The following ZP2 variants were observed in gnomAD, a reference collection of about 807,000 sequenced individuals.
The protein encoded by ZP2 is zona pellucida glycoprotein 2.
A neutral mutation model predicts 84.0 loss-of-function variants in ZP2; 51 were observed. The ratio of observed to expected loss-of-function variants is 0.61; its 90% CI spans 0.49 to 0.77. The LOEUF (loss-of-function observed/expected upper bound fraction) is 0.77, where lower values mean the gene tolerates loss of function less well. Among genes scored for constraint, ZP2 ranks in the 30% least tolerant of loss-of-function variants. ZP2 has a pLI of 0.00. For synonymous variants in ZP2, 375 were observed against 330.9 expected (o/e 1.13, Z -1.45); for missense variants, 909 against 911.9 (o/e 1.00, Z 0.04).
At chr16:21,207,840 C>G (rs974340394) in intron 4 of ZP2, among the ~76,000 whole-genome samples, 34 of 151,602 alleles carry the variant, frequency 2.2e-4, no homozygotes, top group African/African-American at 8.2e-4. Context: ...TGGACAACAG[C>G]AAGACCCTGT....
Position 21,209,621 on chromosome 16 carries a change from AAT to A in ZP2, c.330+8_330+9del. On this transcript the variant is annotated splice_region_variant and intron_variant, in intron 4 of 18. Transcript: ENST00000574091. The stretch of plus-strand genomic sequence containing the variant: ...TACTTCCCCAAGAACTGCTCAAAGC[AAT>A]GACTTACCACTCTCCTGGTACAGTT... The A allele has an allele frequency of 6.2e-7, 1 of 1,613,664 alleles. No homozygotes were observed. The highest frequency in any genetic ancestry group is 1.1e-5 in the South Asian group (1 of 91,070).
upstream of ZP2, chr16:21,211,620 C>T: frequency 6.2e-7 from 1 of 1,609,940 alleles, no homozygotes; most frequent in East Asian, 2.2e-5. Flanking sequence ...AAGCCAGCCG[C>T]ATCCACACCC....
At chr16:21,212,650 A>C (rs1026093911), upstream of ZP2, among the ~76,000 whole-genome samples, 3 of 152,224 alleles carry the variant, frequency 2.0e-5, no homozygotes, top group African/African-American at 7.2e-5. Context: ...GTAATTTTTC[A>C]TCATTATAAG....
chr16:21,213,531 G>C (rs1369169413), upstream of ZP2, among the ~76,000 whole-genome samples: 1 of 152,126 alleles, frequency 6.6e-6, no homozygotes, highest in Non-Finnish European at 1.5e-5. Flanking sequence ...AGATTCCAGG[G>C]TCCCACCCAA....
upstream of ZP2, chr16:21,211,588 T>C (rs1450945605): frequency 5.0e-6 from 8 of 1,613,610 alleles, no homozygotes; most frequent in South Asian, 7.7e-5. Context: ...GAGGGTAGGC[T>C]GCTCTGTGTT....
At chr16:21,201,278 A>G in intron 14 of ZP2, 91 bp downstream of exon 14, 4 of 1,159,828 alleles carry the variant, frequency 3.4e-6, no homozygotes, top group Non-Finnish European at 4.8e-6. Context: ...ACATGACTGA[A>G]TGCTGCTCTA....
intron 17 of ZP2, 44 bp from the exon 18 acceptor site, chr16:21,197,893 C>G (rs775038491): frequency 1.1e-5 from 17 of 1,589,194 alleles, no homozygotes; most frequent in Non-Finnish European, 1.5e-5. Context: ...TCATGCTAGT[C>G]GATGTGGTTA....
At chr16:21,200,374 G>A (rs1471378082) in intron 14 of ZP2, among the ~76,000 whole-genome samples, 2 of 152,214 alleles carry the variant, frequency 1.3e-5, no homozygotes, top group East Asian at 1.9e-4. Context: ...GGAGGCGGAG[G>A]TTGCAGTGAG....
At position 21,197,864 on chromosome 16, in the gene ZP2, A is replaced by T. The variant is rs1252402934; in HGVS notation, c.2012-15T>A. 1 of 1,613,082 alleles carries T rather than the reference A, an allele frequency of 6.2e-7. No individual in the cohort carries two copies. On this transcript the variant is annotated splice_polypyrimidine_tract_variant and intron_variant, in intron 17 of 18. Transcript: ENST00000574091. ...TGAGCCGACACCTGGGAAGAACCTG[A>T]GAGTTTAGTACAACATCTTCATGCT...
Position 21,198,765 on chromosome 16 carries a change from C to A in ZP2, c.2011+14G>T. ...ACTTGAATCCAGGAAGTACTCCAGG[C>A]TTTAGGTCCATACCTCTGAATGAGG... On this transcript the variant is annotated intron_variant, in intron 17 of 18. Transcript: ENST00000574091. 2 of 1,612,892 alleles carry A rather than the reference C, an allele frequency of 1.2e-6. No homozygotes were observed. The highest frequency in any genetic ancestry group is 1.7e-6 in the Non-Finnish European group (2 of 1,179,088).
Position 21,209,726 on chromosome 16 carries a change from C to A in ZP2, c.236-1G>T. 2.5e-6 allele frequency: 4 copies of A among 1,614,140 alleles called. No homozygotes were observed. Among genetic ancestry groups the A allele is most frequent in the Middle Eastern group, 1.6e-4 (1 of 6,062 alleles). ...TTCGGCATGTCGAGACCAAGAGGAT[C>A]TGCCAAGGCCAGAGCAGGTTAGACA... is the stretch of plus-strand genomic sequence containing the variant. On this transcript the variant is annotated splice_acceptor_variant, in intron 3 of 18. Transcript: ENST00000574091. LOFTEE classifies it high-confidence loss of function.
In ZP2 at chr16:21,204,136, A is replaced by T; in HGVS notation, c.866T>A (p.Phe289Tyr). The T allele has an allele frequency of 6.2e-7, 1 of 1,614,176 alleles. No homozygotes were observed. The change falls in exon 9 of 19, where the codon TTT becomes TAT. Residue 289 changes from phenylalanine (F) to tyrosine (Y), a missense_variant. Transcript: ENST00000574091. ...EFPGKLKSVS[F>Y]ENQNIDVSQL... The stretch of plus-strand genomic sequence containing the variant: ...GCTCACATCAATGTTCTGGTTTTCA[A>T]AGCTCACAGACTTAAGCTTCCCAGG...
Position 21,209,718 on chromosome 16 carries a change from A to G in ZP2, c.243T>C (p.Leu81=). 1 of 1,614,128 alleles carries G rather than the reference A, an allele frequency of 6.2e-7. No homozygotes were observed. Among genetic ancestry groups the G allele is most frequent in the East Asian group, 2.2e-5 (1 of 44,880 alleles). Residue 81 remains leucine (L), a synonymous_variant, in exon 4 of 19, where the codon CTT becomes CTC. Coordinates refer to ENST00000574091, the MANE Select transcript of ZP2 (RefSeq NM_001376232.1). ...AAGTGCAGTTCGGCATGTCGAGACC[A>G]AGAGGATCTGCCAAGGCCAGAGCAG... ...KKWHASVVDP[L]GLDMPNCTYI...
chr16:21,198,665 A>T (rs1287569207), intron 17 of ZP2, 114 bp downstream of exon 17: 3 of 810,726 alleles, frequency 3.7e-6, no homozygotes, highest in African/African-American at 3.5e-5. Flanking sequence ...TTAGTCTTTT[A>T]TTCTTCTATT....
In ZP2 at chr16:21,203,199, G is replaced by A. The variant is rs1255158280; in HGVS notation, c.1025C>T (p.Thr342Ile). The A allele has an allele frequency of 1.2e-6, 2 of 1,613,938 alleles. No individual in the cohort carries two copies. The highest frequency in any genetic ancestry group is 2.7e-5 in the African/African-American group (2 of 75,006). The change falls in exon 10 of 19, where the codon ACC becomes ATC. Residue 342 changes from threonine to isoleucine, a missense_variant. By Grantham distance (89) the Thr-to-Ile change is moderately conservative. Transcript: ENST00000574091. ...HQFYLASLKL[T>I]FLLRPETVSM... The stretch of plus-strand genomic sequence containing the variant: ...TACTGTCTCTGGCCGAAGGAGAAAG[G>A]TCAGCTTGAGTGAAGCTAAGTAGAA...
chr16:21,199,465 C>T lies in ZP2; in HGVS notation c.1927+105G>A. 2.9e-6 allele frequency: 3 copies of T among 1,018,712 alleles called. No homozygotes were observed. In the South Asian group the frequency reaches 5.6e-5, roughly 19 times the overall value. The allele number at this position is 1,018,712 out of a possible 1,614,324, so 63.1% of individuals were successfully genotyped here. On this transcript the variant is annotated intron_variant, in intron 16 of 18. Transcript: ENST00000574091. ...TGACTGGGCCAACAAGAGCTCTGGG[C>T]AGTAAATAAAGTATGAGTTATACCA...
rs1229122443 is a variant in ZP2 at position 21,209,893 on chromosome 16, G to T, written c.236-168C>A. 3 of 716,202 alleles carry T rather than the reference G, an allele frequency of 4.2e-6. No individual in the cohort carries two copies. The African/African-American group carries it at 5.3e-5, about 13-fold the overall frequency. The allele number at this position is 716,202 out of a possible 1,614,324, so 44.4% of individuals were successfully genotyped here. A position where few individuals can be genotyped will look rare whatever the true frequency, so the allele number is the denominator to read the frequency against. The stretch of plus-strand genomic sequence containing the variant: ...TTTGAGATGGTATGACTTGCAGCCA[G>T]AGGCTTCCCAGAGATGCTGGCATAA... On this transcript the variant is annotated intron_variant, in intron 3 of 18. Transcript: ENST00000574091.
chr16:21,205,800 A>G, intron 5 of ZP2, 25 bp from the exon 6 acceptor site: 2 of 1,613,188 alleles, frequency 1.2e-6, no homozygotes, highest in Non-Finnish European at 1.7e-6. Context: ...TTGTGATGTA[A>G]GACTTTGATT....
rs1294362985 is a variant in ZP2 at position 21,209,683 on chromosome 16, T to A, written c.278A>T (p.Asp93Val). The change falls in exon 4 of 19, where the codon GAC becomes GTC. Residue 93 changes from aspartate (D) to valine (V), a missense_variant. Asp to Val is a radical substitution (Grantham distance 152, BLOSUM62 -3). Coordinates refer to ENST00000574091, the MANE Select transcript of ZP2 (RefSeq NM_001376232.1). ...LDMPNCTYIL[D>V]PEKLTLRATY... ...AGCCCTCAGGGTGAGCTTTTCTGGG[T>A]CCAGGATGTAAGTGCAGTTCGGCAT... is the stretch of plus-strand genomic sequence containing the variant. The A allele has an allele frequency of 6.2e-7, 1 of 1,614,026 alleles. No homozygotes were observed. The highest frequency in any genetic ancestry group is 8.5e-7 in the Non-Finnish European group (1 of 1,180,022).
Sources: allele counts gnomAD v4.1 joint callset (sites outside exome capture counted in the v4.1 genomes callset), GRCh38; gene constraint gnomAD v4.1.1; transcripts MANE v1.5; gene names NCBI Gene and HGNC (gene_info 2026-07-23, HGNC 2026-07-21).